Variants in PCDH15 observed in about 807,000 individuals in gnomAD.
PCDH15 encodes the protein protocadherin-15.
PCDH15 carries 129 observed loss-of-function variants against 178.5 expected under a neutral mutation model. That is an observed-to-expected ratio of 0.72 (90% CI 0.63 to 0.84). PCDH15 has a LOEUF of 0.84. Ranked by LOEUF, PCDH15 falls within the 40% of genes least tolerant of loss-of-function variation. PCDH15 has a pLI of 0.00. For missense variants in PCDH15, 2,230 were observed against 2,099.9 expected, an observed-to-expected ratio of 1.06 and a Z score of -1.21; for synonymous variants, 800 against 732.0, an observed-to-expected ratio of 1.09 and a Z score of -1.50.
Position 54,369,248 on chromosome 10 carries a change from C to A in PCDH15, c.346G>T (p.Val116Leu), listed in dbSNP as rs1360159207. ...TTTTTGTTGATGCACTGGACCTGCA[C>A]CACAATGGAGTGTATGTTCATCGGT... ...DPPMNIHSIVVQVQCINKKVG... is the reference protein window; with the variant it reads ...DPPMNIHSIVLQVQCINKKVG... Residue 116 changes from valine to leucine, a missense_variant, in exon 5 of 38, where the codon GTG (valine) becomes TTG (leucine). Physicochemically the swap from Val to Leu is conservative, Grantham distance 32 (BLOSUM62 1). Transcript: ENST00000644397. 6.2e-7 allele frequency: 1 copy of A among 1,612,500 alleles called. No homozygotes were observed. The highest frequency in any genetic ancestry group is 8.5e-7 in the Non-Finnish European group (1 of 1,179,220).
intron 2 of PCDH15, among the ~76,000 whole-genome samples, chr10:54,549,401 G>T (rs2086277997): frequency 6.6e-6 from 1 of 151,618 alleles, no homozygotes; most frequent in Non-Finnish European, 1.5e-5. Context: ...TTCTAATTAT[G>T]ATTTCTTTTT....
chr10:55,210,475 G>GCATAGA (rs1046751736), intron 1 of PCDH15, among the ~76,000 whole-genome samples: 13 of 151,734 alleles, frequency 8.6e-5, no homozygotes, highest in African/African-American at 3.2e-4. Flanking sequence ...AGCAAAGGAA[G>GCATAGA]CATAGACATC....
At chr10:55,084,462 T>TAAAAAAA (rs71461276) in intron 2 of PCDH15, among the ~76,000 whole-genome samples, 4 of 145,568 alleles carry the variant, frequency 2.7e-5, no homozygotes, top group African/African-American at 7.5e-5. Flanking sequence ...CCTCAAGCTG[T>TAAAAAAA]AAAAAAAAAA....
At chr10:54,215,396 C>T (rs2051906332) in intron 9 of PCDH15, among the ~76,000 whole-genome samples, 1 of 152,054 alleles carries the variant, frequency 6.6e-6, no homozygotes, top group South Asian at 2.1e-4. Flanking sequence ...GTAAAATCTA[C>T]AAATAGTCAA....
intron 1 of PCDH15, among the ~76,000 whole-genome samples, chr10:55,261,180 T>C (rs142463793): frequency 3.4e-4 from 52 of 152,350 alleles, no homozygotes; most frequent in African/African-American, 1.2e-3. Flanking sequence ...ATTAATTCAA[T>C]GTATGCCTCA....
intron 3 of PCDH15, among the ~76,000 whole-genome samples, chr10:54,896,646 A>G (rs1289284953): frequency 1.3e-5 from 2 of 152,100 alleles, no homozygotes; most frequent in East Asian, 3.9e-4. Context: ...GGCCTTGAAG[A>G]TTGACATTTA....
chr10:55,296,564 C>A (rs1206595418), intron 1 of PCDH15, among the ~76,000 whole-genome samples: 5 of 152,122 alleles, frequency 3.3e-5, no homozygotes, highest in Non-Finnish European at 7.3e-5. Flanking sequence ...AAGATTTTCC[C>A]ATTACTCCTA....
intron 25 of PCDH15, among the ~76,000 whole-genome samples, chr10:53,904,692 G>A (rs1272468283): frequency 6.6e-6 from 1 of 152,088 alleles, no homozygotes; most frequent in Non-Finnish European, 1.5e-5. Flanking sequence ...TGCAGTGCCA[G>A]GGCTCTGACT....
chr10:55,103,533 A>G (rs538599869), intron 2 of PCDH15, among the ~76,000 whole-genome samples: 2 of 152,286 alleles, frequency 1.3e-5, no homozygotes, highest in Admixed American at 6.5e-5. Flanking sequence ...GAAGTCATGT[A>G]TAACATCTGG....
At chr10:54,406,165 T>G (rs1257585655) in intron 3 of PCDH15, among the ~76,000 whole-genome samples, 2 of 152,114 alleles carry the variant, frequency 1.3e-5, no homozygotes, top group Non-Finnish European at 2.9e-5. Flanking sequence ...CTTTTTGTTT[T>G]TTATGTGTAT....
chr10:55,326,110 G>C (rs2132304803), intron 2 of PCDH15, among the ~76,000 whole-genome samples: 1 of 152,252 alleles, frequency 6.6e-6, no homozygotes, highest in African/African-American at 2.4e-5. Context: ...TGAGGTTGCA[G>C]AGAAAAGAGA....
Position 53,832,406 on chromosome 10 carries a change from C to G in PCDH15, c.3984-873G>C, listed in dbSNP as rs975885633. ...TTTGAACAGTCCCTTATAAGCTCTA[C>G]ATATTGATGCAGCAACTGTGTTCTT... On this transcript the variant is annotated intron_variant, in intron 29 of 37. Transcript: ENST00000644397. Among the ~76,000 whole-genome samples the G allele has an allele frequency of 4.0e-5, 6 of 151,888 alleles. 1 individual carries two copies. Among genetic ancestry groups the G allele is most frequent in the African/African-American group, 1.5e-4 (6 of 41,312 alleles).
At chr10:54,269,418 G>T (rs2057907144) in intron 8 of PCDH15, among the ~76,000 whole-genome samples, 1 of 151,832 alleles carries the variant, frequency 6.6e-6, no homozygotes, top group Admixed American at 6.6e-5. Context: ...GATCTGCAAG[G>T]TGTTAAAAGT....
rs189218500 is a variant in PCDH15, at chr10:55,489,232, A to T, written c.-156+138393T>A. Among the ~76,000 whole-genome samples the T allele has an allele frequency of 2.6e-5, 4 of 151,696 alleles. No individual in the cohort carries two copies. The East Asian group carries it at 7.8e-4, about 30-fold the overall frequency. On this transcript the variant is annotated intron_variant, in intron 2 of 5. Transcript: ENST00000613346. ...GTCAATGCATTACCTATCTTTCAAC[A>T]TTCTCTAAAAATTGTCATTTAAATA...
chr10:54,083,208 G>A (rs2094462247), intron 16 of PCDH15, among the ~76,000 whole-genome samples: 1 of 152,058 alleles, frequency 6.6e-6, no homozygotes, highest in Non-Finnish European at 1.5e-5. Flanking sequence ...CAATCACTGT[G>A]GAAAATATTT....
intron 2 of PCDH15, among the ~76,000 whole-genome samples, chr10:55,497,689 A>G (rs894775555): frequency 6.6e-6 from 1 of 151,898 alleles, no homozygotes; most frequent in Non-Finnish European, 1.5e-5. Context: ...ATGCTCAACC[A>G]AAGTTATTTC....
rs141052792 is a variant in PCDH15 at position 54,956,678 on chromosome 10, T to C, written c.-79-59178A>G. 6.4e-3 allele frequency among the ~76,000 whole-genome samples: 972 copies of C among 151,740 alleles called. 9 individuals are homozygous for C. The highest frequency in any genetic ancestry group is 0.022 in the African/African-American group (917 of 41,514). On this transcript the variant is annotated intron_variant, in intron 2 of 5. Transcript: ENST00000458638. Reference sequence around the variant, plus strand: ...GGTAAAAGTTGTTAAAATTATTATATTTTTATTCAGCAGTTATCCAGGACT... The same window carrying C: ...GGTAAAAGTTGTTAAAATTATTATACTTTTATTCAGCAGTTATCCAGGACT...
chr10:54,003,154 A>G (rs2092244617), intron 20 of PCDH15, among the ~76,000 whole-genome samples: 1 of 152,196 alleles, frequency 6.6e-6, no homozygotes, highest in African/African-American at 2.4e-5. Flanking sequence ...ATGAAAGGAA[A>G]AAAACTTCAA....
At chr10:55,539,422 A>G (rs1295344998) in intron 2 of PCDH15, among the ~76,000 whole-genome samples, 1 of 151,920 alleles carries the variant, frequency 6.6e-6, no homozygotes, top group African/African-American at 2.4e-5. Flanking sequence ...ATTCCCTCAT[A>G]TTTTAGTTCA....
Sources: gnomAD v4.1 joint callset for allele counts (sites outside exome capture counted in the v4.1 genomes callset) on GRCh38, gnomAD v4.1.1 for gene constraint, MANE v1.5 for transcripts, NCBI Gene and HGNC (gene_info 2026-07-23, HGNC 2026-07-21) for gene names.